Variants in TMEM232 observed in about 807,000 individuals in gnomAD.
The protein encoded by TMEM232 is transmembrane protein 232.
In TMEM232, 80 loss-of-function variants were observed where a neutral mutation model predicts 78.8. The ratio of observed to expected loss-of-function variants is 1.01; its 90% confidence interval spans 0.85 to 1.22. The LOEUF (loss-of-function observed/expected upper bound fraction) is 1.22, where lower values mean the gene tolerates loss of function less well. TMEM232 is among the 50% of genes most tolerant of loss of function. The pLI is 0.00. For synonymous variants in TMEM232, 297 were observed against 254.3 expected (o/e 1.17, Z -1.60); for missense variants, 881 against 742.2 (o/e 1.19, Z -2.17).
chr5:110,665,318 G>A (rs1440686332), intron 2 of TMEM232, among the ~76,000 whole-genome samples: 11 of 152,062 alleles, frequency 7.2e-5, no homozygotes, highest in Non-Finnish European at 7.4e-5. Flanking sequence ...CTGATGAAGC[G>A]GGCTGTATAG....
At chr5:110,574,741 A>G (rs1456744180) in intron 10 of TMEM232, among the ~76,000 whole-genome samples, 1 of 152,076 alleles carries the variant, frequency 6.6e-6, no homozygotes, top group African/African-American at 2.4e-5. Context: ...TCTTCACACA[A>G]CTTCTCTGGG....
intron 8 of TMEM232, among the ~76,000 whole-genome samples, chr5:110,617,496 G>T (rs1783090763): frequency 6.6e-6 from 1 of 152,032 alleles, no homozygotes; most frequent in Non-Finnish European, 1.5e-5. Context: ...CATTCCACAA[G>T]ATATACATAT....
chr5:110,737,920 TA>T (rs2150398921), intron 1 of TMEM232: 1 of 153,942 alleles, frequency 6.5e-6, no homozygotes, highest in Non-Finnish European at 1.5e-5. Flanking sequence ...ATTCGTTATT[TA>T]AAAATGTTAA....
intron 12 of TMEM232, among the ~76,000 whole-genome samples, chr5:110,491,804 T>C (rs1460647761): frequency 6.6e-6 from 1 of 151,914 alleles, no homozygotes; most frequent in African/African-American, 2.4e-5. Context: ...AATATTATTT[T>C]GGTGAGATTT....
At chr5:110,631,819 C>A (rs757407296) in intron 5 of TMEM232, among the ~76,000 whole-genome samples, 5 of 152,120 alleles carry the variant, frequency 3.3e-5, no homozygotes, top group Non-Finnish European at 5.9e-5. Context: ...GGTTGTCCCA[C>A]AACTGCTACT....
At chr5:110,432,099 A>G (rs1301616329) in intron 12 of TMEM232, among the ~76,000 whole-genome samples, 2 of 151,784 alleles carry the variant, frequency 1.3e-5, no homozygotes, top group Non-Finnish European at 3.0e-5. Flanking sequence ...GTAGAAGTAG[A>G]GAGGTTGACA....
At chr5:110,691,854 A>G (rs116405074) in intron 1 of TMEM232, among the ~76,000 whole-genome samples, 752 of 152,284 alleles carry the variant, frequency 4.9e-3, no homozygotes, top group Non-Finnish European at 7.5e-3. Flanking sequence ...TCTATTTCCT[A>G]TGTAACAGAA....
chr5:110,626,229 T>A (rs898317988), intron 6 of TMEM232, among the ~76,000 whole-genome samples: 2 of 152,020 alleles, frequency 1.3e-5, no homozygotes, highest in African/African-American at 4.8e-5. Flanking sequence ...CAATCTAATA[T>A]GAGAACTTGA....
At chr5:110,708,066 G>A (rs1796117559) in intron 1 of TMEM232, among the ~76,000 whole-genome samples, 1 of 152,044 alleles carries the variant, frequency 6.6e-6, no homozygotes. Flanking sequence ...GCTGACTCCA[G>A]GTGAGATCCA....
intron 1 of TMEM232, among the ~76,000 whole-genome samples, chr5:110,675,091 G>A (rs1463725484): frequency 3.3e-5 from 5 of 151,978 alleles, no homozygotes; most frequent in South Asian, 2.1e-4. Context: ...ACCCAGGCTG[G>A]ATGGAGTGTA....
chr5:110,725,714 T>C (rs1213367857), intron 1 of TMEM232: 1 of 152,252 alleles, frequency 6.6e-6, no homozygotes, highest in Non-Finnish European at 1.5e-5. Flanking sequence ...ATCTGCAACC[T>C]GGCACAGACC....
intron 13 of TMEM232, among the ~76,000 whole-genome samples, chr5:110,423,776 CGTGCGTGT>C (rs2112628744): frequency 7.8e-6 from 1 of 127,610 alleles, no homozygotes; most frequent in African/African-American, 3.7e-5. Context: ...GTTATTTATG[CGTGCGTGT>C]GTGTGTGTGT....
chr5:110,473,781 A>G (rs1321845363), intron 12 of TMEM232, among the ~76,000 whole-genome samples: 1 of 149,952 alleles, frequency 6.7e-6, no homozygotes, highest in Non-Finnish European at 1.5e-5. Flanking sequence ...TATAATATAT[A>G]TACCCAATGG....
intron 11 of TMEM232, among the ~76,000 whole-genome samples, chr5:110,542,653 G>C (rs745513926): frequency 5.3e-5 from 8 of 152,006 alleles, no homozygotes; most frequent in Non-Finnish European, 8.8e-5. Context: ...TGTCTCTCAG[G>C]GGGGAAATGA....
At chr5:110,510,126 G>A (rs1013368061) in intron 12 of TMEM232, among the ~76,000 whole-genome samples, 3 of 152,062 alleles carry the variant, frequency 2.0e-5, no homozygotes, top group East Asian at 3.9e-4. Flanking sequence ...AATGTTGCTT[G>A]TGCCCATGAC....
chr5:110,527,194 T>A (rs958867234), intron 12 of TMEM232, among the ~76,000 whole-genome samples: 1 of 151,854 alleles, frequency 6.6e-6, no homozygotes, highest in Non-Finnish European at 1.5e-5. Flanking sequence ...TTGTGAAAGA[T>A]AATATGTACA....
At chr5:110,698,289 G>A (rs1795039810) in intron 1 of TMEM232, among the ~76,000 whole-genome samples, 1 of 151,930 alleles carries the variant, frequency 6.6e-6, no homozygotes, top group Admixed American at 6.6e-5. Context: ...ACTGTTGTGG[G>A]GTGGGTGGAG....
intron 12 of TMEM232, among the ~76,000 whole-genome samples, chr5:110,431,729 A>C (rs1192460458): frequency 1.3e-5 from 2 of 151,814 alleles, no homozygotes; most frequent in Non-Finnish European, 2.9e-5. Flanking sequence ...CAAAAAAAGC[A>C]GTAAGTGAAA....
intron 10 of TMEM232, among the ~76,000 whole-genome samples, chr5:110,603,409 G>C (rs190940388): frequency 1.3e-5 from 2 of 152,020 alleles, no homozygotes; most frequent in Non-Finnish European, 2.9e-5. Flanking sequence ...CAGAGTACAG[G>C]GGGTCATGAC....
Sources: allele counts gnomAD v4.1 joint callset (sites outside exome capture counted in the v4.1 genomes callset), GRCh38; gene constraint gnomAD v4.1.1; transcripts MANE v1.5; gene names NCBI Gene and HGNC (gene_info 2026-07-23, HGNC 2026-07-21).